The following FAM13A variants were observed in gnomAD, a reference collection of about 807,000 sequenced individuals.
FAM13A encodes protein FAM13A.
FAM13A carries 76 observed loss-of-function variants against 129.6 expected under a neutral mutation model. The observed-to-expected ratio is 0.59, with a 90% confidence interval of 0.49 to 0.71. FAM13A has a LOEUF of 0.71. Among genes scored for constraint, FAM13A ranks in the 30% least tolerant of loss-of-function variants. The probability of loss-of-function intolerance (pLI) is 0.00; values close to 1 mark genes in which losing one functional copy is unlikely to be tolerated. For missense variants in FAM13A, 1,108 were observed against 1,249.3 expected (o/e 0.89, Z 1.70); for synonymous variants, 443 against 449.9 (o/e 0.98, Z 0.20).
At chr4:88,823,838 G>A (rs544270381) in intron 7 of FAM13A, among the ~76,000 whole-genome samples, 5 of 152,280 alleles carry the variant, frequency 3.3e-5, no homozygotes, top group Admixed American at 2.0e-4. Context: ...GGGAGGATAC[G>A]TGCCCTAAGT....
intron 21 of FAM13A, among the ~76,000 whole-genome samples, chr4:88,736,150 A>C (rs1738936968): frequency 6.6e-6 from 1 of 152,212 alleles, no homozygotes; most frequent in African/African-American, 2.4e-5. Flanking sequence ...TATTGTAAGA[A>C]AATAGCTCTA....
chr4:88,882,750 T>C (rs1579103032), intron 6 of FAM13A, among the ~76,000 whole-genome samples: 1 of 152,134 alleles, frequency 6.6e-6, no homozygotes, highest in Non-Finnish European at 1.5e-5. Context: ...ACCAACCAAC[T>C]ATCTGCTATC....
chr4:89,035,353 A>T (rs1769246769), intron 1 of FAM13A, among the ~76,000 whole-genome samples: 1 of 152,164 alleles, frequency 6.6e-6, no homozygotes, highest in African/African-American at 2.4e-5. Context: ...GACAAAAAAT[A>T]AAAAATTAAT....
At chr4:88,828,391 GC>G (rs1318214524) in intron 7 of FAM13A, among the ~76,000 whole-genome samples, 25 of 152,156 alleles carry the variant, frequency 1.6e-4, no homozygotes, top group Non-Finnish European at 2.9e-5. Context: ...TCTCACCTTG[GC>G]CTCTCAAAGT....
At chr4:89,021,666 G>A (rs1321627601) in intron 2 of FAM13A, among the ~76,000 whole-genome samples, 2 of 152,070 alleles carry the variant, frequency 1.3e-5, no homozygotes, top group Non-Finnish European at 2.9e-5. Context: ...TATAATCAGG[G>A]TTTTAGGAAG....
chr4:88,967,879 C>T (rs774411198), intron 4 of FAM13A, among the ~76,000 whole-genome samples: 13 of 152,090 alleles, frequency 8.5e-5, no homozygotes, highest in South Asian at 2.1e-4. Context: ...CTTGTTTTTC[C>T]GGGTATCACG....
At chr4:89,017,286 A>G (rs1033817141) in intron 3 of FAM13A, among the ~76,000 whole-genome samples, 1 of 152,194 alleles carries the variant, frequency 6.6e-6, no homozygotes, top group Admixed American at 6.5e-5. Flanking sequence ...CTCTCTTCCC[A>G]TTCAAAATTT....
intron 4 of FAM13A, among the ~76,000 whole-genome samples, chr4:88,963,736 A>G (rs1173578783): frequency 6.6e-6 from 1 of 152,220 alleles, no homozygotes; most frequent in Non-Finnish European, 1.5e-5. Flanking sequence ...CCTTGTTTAT[A>G]TATTTTAGGG....
rs750363390 is a variant in FAM13A, at chr4:88,906,425, G to C, written c.797C>G (p.Thr266Arg). 2 of 1,611,882 alleles carry C rather than the reference G, an allele frequency of 1.2e-6. No homozygotes were observed. Among genetic ancestry groups the C allele is most frequent in the South Asian group, 2.2e-5 (2 of 90,764 alleles). Residue 266 changes from threonine to arginine, a missense_variant, in exon 6 of 24, where the codon ACA becomes AGA. By Grantham distance (71) the Thr-to-Arg change is moderately conservative. Coordinates refer to ENST00000264344, the MANE Select transcript of FAM13A (RefSeq NM_014883.4). ...TGGCATGTCTCTTTCTAAGCCTCTT[G>C]TTAAAAGGATGGGCAGGGAGTTCTT... ...YYKNSLPILL[T>R]RGLERDMPKP... is the part of the protein sequence containing the mutation.
chr4:89,032,596 T>C (rs12507819), intron 1 of FAM13A, among the ~76,000 whole-genome samples: 44,958 of 152,110 alleles, frequency 0.3, 7,237 homozygotes, highest in Middle Eastern at 0.42. Flanking sequence ...CCAGTATACT[T>C]TTTTATAATT....
At chr4:89,021,764 G>A (rs145962543) in intron 2 of FAM13A, among the ~76,000 whole-genome samples, 1 of 152,100 alleles carries the variant, frequency 6.6e-6, no homozygotes, top group East Asian at 1.9e-4. Flanking sequence ...AGATTATGGT[G>A]GAAAAGAAGT....
chr4:88,890,431 T>C (rs1745132083), intron 6 of FAM13A, among the ~76,000 whole-genome samples: 1 of 152,172 alleles, frequency 6.6e-6, no homozygotes, highest in Non-Finnish European at 1.5e-5. Flanking sequence ...GTCCCTTTTA[T>C]TCCTTGGCCT....
At chr4:88,993,621 A>G (rs1332966258) in intron 3 of FAM13A, among the ~76,000 whole-genome samples, 1 of 152,228 alleles carries the variant, frequency 6.6e-6, no homozygotes, top group Non-Finnish European at 1.5e-5. Flanking sequence ...TACGATAAAC[A>G]ATTTTTCCAG....
At chr4:88,975,992 T>C (rs1210135499) in intron 4 of FAM13A, among the ~76,000 whole-genome samples, 37 of 152,336 alleles carry the variant, frequency 2.4e-4, no homozygotes, top group Admixed American at 2.4e-3. Context: ...AGCCATTTTA[T>C]AGAGCCTTAG....
At chr4:88,991,247 A>C in intron 3 of FAM13A, 97 bp from the exon 4 acceptor site, 1 of 911,040 alleles carries the variant, frequency 1.1e-6, no homozygotes, top group Non-Finnish European at 1.6e-6. Flanking sequence ...TTATTCAGAA[A>C]AAAACTCTTG....
chr4:88,937,387 C>T (rs777578879), intron 5 of FAM13A: 1 of 152,136 alleles, frequency 6.6e-6, no homozygotes, highest in Admixed American at 6.5e-5. Context: ...CATCATGATT[C>T]ACCTCAATAT....
chr4:89,016,781 C>A (rs1425185144), intron 3 of FAM13A, among the ~76,000 whole-genome samples: 1 of 152,066 alleles, frequency 6.6e-6, no homozygotes, highest in Non-Finnish European at 1.5e-5. Flanking sequence ...ACTACAGGTG[C>A]ATGCCTCCAC....
At chr4:88,985,654 A>T (rs1762139048) in intron 4 of FAM13A, among the ~76,000 whole-genome samples, 2 of 152,190 alleles carry the variant, frequency 1.3e-5, no homozygotes. Context: ...ATCTAATGAT[A>T]TAGAGGCATT....
intron 6 of FAM13A, among the ~76,000 whole-genome samples, chr4:88,862,042 T>G (rs1251644288): frequency 6.6e-6 from 1 of 152,170 alleles, no homozygotes; most frequent in Non-Finnish European, 1.5e-5. Flanking sequence ...GCAACAGATA[T>G]TTATGGAGCA....
Sources: gnomAD v4.1 joint callset for allele counts (sites outside exome capture counted in the v4.1 genomes callset) on GRCh38, gnomAD v4.1.1 for gene constraint, MANE v1.5 for transcripts, NCBI Gene and HGNC (gene_info 2026-07-23, HGNC 2026-07-21) for gene names.